GALNTL6: variants seen among roughly 807,000 people sequenced by gnomAD.
The protein encoded by GALNTL6 is polypeptide N-acetylgalactosaminyltransferase like 6.
Under a neutral mutation model 73.7 loss-of-function variants are expected in GALNTL6, and 46 were observed. The ratio of observed to expected loss-of-function variants is 0.62; its 90% CI spans 0.49 to 0.80. The LOEUF (loss-of-function observed/expected upper bound fraction) is 0.80, where lower values mean the gene tolerates loss of function less well. Among genes scored for constraint, GALNTL6 ranks in the 30% least tolerant of loss-of-function variants. The probability of loss-of-function intolerance (pLI) is 0.00; values close to 1 mark genes in which losing one functional copy is unlikely to be tolerated. For missense variants in GALNTL6, 604 were observed against 755.0 expected (o/e 0.80, Z 2.34); for synonymous variants, 259 against 263.7 (o/e 0.98, Z 0.17).
At chr4:172,460,634 C>G (rs372659555) in intron 5 of GALNTL6, among the ~76,000 whole-genome samples, 1 of 152,178 alleles carries the variant, frequency 6.6e-6, no homozygotes. Flanking sequence ...CATCACTGGT[C>G]ATTAGAGACA....
intron 10 of GALNTL6, among the ~76,000 whole-genome samples, chr4:172,956,093 TAAAAC>T: frequency 6.6e-6 from 1 of 151,736 alleles, no homozygotes; most frequent in Non-Finnish European, 1.5e-5. Flanking sequence ...ATAAGAAAAA[TAAAAC>T]AAAATAGTGT....
At chr4:172,360,535 T>G (rs190071924) in intron 5 of GALNTL6, among the ~76,000 whole-genome samples, 6 of 152,298 alleles carry the variant, frequency 3.9e-5, no homozygotes, top group African/African-American at 1.2e-4. Context: ...TCCTCCTAAA[T>G]GAACGGTTTT....
At chr4:172,133,694 T>G (rs779608008) in intron 2 of GALNTL6, among the ~76,000 whole-genome samples, 1 of 152,196 alleles carries the variant, frequency 6.6e-6, no homozygotes, top group Non-Finnish European at 1.5e-5. Flanking sequence ...AACCAGGGCT[T>G]CTTTAGTCAG....
At chr4:172,928,225 G>A (rs531753202) in intron 8 of GALNTL6, among the ~76,000 whole-genome samples, 1 of 152,174 alleles carries the variant, frequency 6.6e-6, no homozygotes, top group Non-Finnish European at 1.5e-5. Context: ...TACAGAAAGA[G>A]TTTGCATAAT....
chr4:172,143,806 A>G (rs1487178111), intron 2 of GALNTL6, among the ~76,000 whole-genome samples: 1 of 152,090 alleles, frequency 6.6e-6, no homozygotes, highest in Non-Finnish European at 1.5e-5. Flanking sequence ...ACAGTAGTTC[A>G]TATCTTCAAG....
At chr4:172,396,515 T>G in intron 5 of GALNTL6, among the ~76,000 whole-genome samples, 1 of 151,872 alleles carries the variant, frequency 6.6e-6, no homozygotes, top group Admixed American at 6.6e-5. Context: ...AAGTGAGGGG[T>G]TTCTGAAAAT....
intron 2 of GALNTL6, among the ~76,000 whole-genome samples, chr4:172,215,274 C>A (rs1219744463): frequency 1.3e-5 from 2 of 152,040 alleles, no homozygotes; most frequent in African/African-American, 4.8e-5. Context: ...TGTTGATTGA[C>A]AGTATGGTTC....
chr4:172,522,717 G>C lies in GALNTL6; in HGVS notation c.553+174028G>C, dbSNP rs540042895. Among the ~76,000 whole-genome samples the C allele has an allele frequency of 1.2e-4, 17 of 146,748 alleles. 1 individual carries two copies. The South Asian group carries it at 3.7e-3, about 32-fold the overall frequency. On this transcript the variant is annotated intron_variant, in intron 5 of 12. Transcript: ENST00000506823. ...ATTTTACTGTAATCAATCTAATTAT[G>C]AGGATGAGGGTTTTCATTCAATGTT...
intron 2 of GALNTL6, among the ~76,000 whole-genome samples, chr4:172,014,277 GT>G (rs1258835016): frequency 6.6e-6 from 1 of 151,812 alleles, no homozygotes; most frequent in Non-Finnish European, 1.5e-5. Flanking sequence ...TCAATTTTTA[GT>G]TTTTTGAGGA....
chr4:172,838,617 TA>T (rs2111075976), intron 7 of GALNTL6, among the ~76,000 whole-genome samples: 1 of 152,308 alleles, frequency 6.6e-6, no homozygotes, highest in South Asian at 2.1e-4. Context: ...ATACAATGTT[TA>T]AAGGCATAAT....
At chr4:172,356,320 G>T (rs1249668853) in intron 5 of GALNTL6, among the ~76,000 whole-genome samples, 1 of 152,092 alleles carries the variant, frequency 6.6e-6, no homozygotes, top group East Asian at 1.9e-4. Context: ...AAAAGGTTAT[G>T]TTTTATGACT....
chr4:172,797,514 G>C (rs1235801297), intron 5 of GALNTL6, among the ~76,000 whole-genome samples: 1 of 151,886 alleles, frequency 6.6e-6, no homozygotes, highest in Non-Finnish European at 1.5e-5. Context: ...CAAAGTGCTA[G>C]GGTTACAGGA....
At chr4:172,463,449 A>C (rs1308483929) in intron 5 of GALNTL6, among the ~76,000 whole-genome samples, 2 of 152,186 alleles carry the variant, frequency 1.3e-5, no homozygotes, top group African/African-American at 2.4e-5. Context: ...GTAGCCAGAA[A>C]AAGTGAAATA....
chr4:171,819,118 C>G (rs748051357), intron 2 of GALNTL6, among the ~76,000 whole-genome samples: 2 of 151,964 alleles, frequency 1.3e-5, no homozygotes, highest in Non-Finnish European at 2.9e-5. Context: ...CACCTACACT[C>G]AGGATGGCAC....
intron 2 of GALNTL6, among the ~76,000 whole-genome samples, chr4:171,989,858 G>T: frequency 6.6e-6 from 1 of 152,182 alleles, no homozygotes; most frequent in Non-Finnish European, 1.5e-5. Context: ...AACTGGGCTG[G>T]GTTTTTCATA....
intron 9 of GALNTL6, among the ~76,000 whole-genome samples, chr4:172,950,174 A>T (rs192123377): frequency 6.6e-6 from 1 of 152,156 alleles, no homozygotes; most frequent in Non-Finnish European, 1.5e-5. Flanking sequence ...AATTGGTGGC[A>T]AGGGCTAGAA....
intron 2 of GALNTL6, among the ~76,000 whole-genome samples, chr4:172,174,913 T>C (rs922637976): frequency 1.3e-5 from 2 of 152,204 alleles, no homozygotes; most frequent in African/African-American, 4.8e-5. Context: ...AAATATTCTG[T>C]ATATTTAGAT....
intron 5 of GALNTL6, among the ~76,000 whole-genome samples, chr4:172,591,695 A>T (rs1737641997): frequency 6.6e-6 from 1 of 152,170 alleles, no homozygotes; most frequent in Admixed American, 6.5e-5. Flanking sequence ...GCTTATGGGA[A>T]CTGATGCCGC....
intron 5 of GALNTL6, among the ~76,000 whole-genome samples, chr4:172,544,844 C>T (rs1735690840): frequency 6.6e-6 from 1 of 152,126 alleles, no homozygotes; most frequent in African/African-American, 2.4e-5. Context: ...ACATAGAGAC[C>T]TGTGAAATCT....
Sources: gnomAD v4.1 joint callset for allele counts (sites outside exome capture counted in the v4.1 genomes callset) on GRCh38, gnomAD v4.1.1 for gene constraint, MANE v1.5 for transcripts, NCBI Gene and HGNC (gene_info 2026-07-23, HGNC 2026-07-21) for gene names.